Variants in ITGA4 observed in about 807,000 individuals in gnomAD.
ITGA4 encodes the protein integrin subunit alpha 4.
ITGA4 carries 63 observed loss-of-function variants against 133.6 expected under a neutral mutation model. That is an observed-to-expected ratio of 0.47 (90% CI 0.38 to 0.58). The LOEUF is 0.58. Ranked by LOEUF, ITGA4 falls within the 20% of genes least tolerant of loss-of-function variation. The probability of loss-of-function intolerance (pLI) is 0.00; values close to 1 mark genes in which losing one functional copy is unlikely to be tolerated. For synonymous variants in ITGA4, 483 were observed against 438.0 expected (o/e 1.10, Z -1.28); for missense variants, 1,076 against 1,252.7 (o/e 0.86, Z 2.13).
At chr2:181,472,783 T>A (rs1209678480) in intron 2 of ITGA4, among the ~76,000 whole-genome samples, 2 of 152,186 alleles carry the variant, frequency 1.3e-5, no homozygotes, top group Non-Finnish European at 2.9e-5. Flanking sequence ...CACACAATTT[T>A]TTTTCTCCTA....
At chr2:181,474,386 G>A (rs1685626264) in intron 2 of ITGA4, among the ~76,000 whole-genome samples, 2 of 152,134 alleles carry the variant, frequency 1.3e-5, no homozygotes, top group South Asian at 2.1e-4. Context: ...TTGAAAACAT[G>A]AGTCATATTC....
chr2:181,509,973 T>C, intron 16 of ITGA4, 166 bp downstream of exon 16: 3 of 547,588 alleles, frequency 5.5e-6, no homozygotes, highest in Non-Finnish European at 9.7e-6. Flanking sequence ...ATATTCCCTT[T>C]AGGATATTGA....
chr2:181,493,921 T>C (rs1015444256), intron 11 of ITGA4, among the ~76,000 whole-genome samples: 1 of 59,476 alleles, frequency 1.7e-5, no homozygotes, highest in Non-Finnish European at 4.2e-5. Context: ...TCATGGCATT[T>C]CAGTGCCTAG....
chr2:181,525,081 ACTC>A, intron 20 of ITGA4, 118 bp from the exon 21 acceptor site: 1 of 473,502 alleles, frequency 2.1e-6, no homozygotes, highest in Non-Finnish European at 3.7e-6. Context: ...TTTTATCCCC[ACTC>A]CTCAAAAAGC....
intron 15 of ITGA4, among the ~76,000 whole-genome samples, chr2:181,504,525 T>C (rs1471776250): frequency 6.6e-6 from 1 of 152,114 alleles, no homozygotes. Context: ...TAGCACACTA[T>C]GGACTGATTC....
rs201535687 is a variant in ITGA4 at position 181,458,180 on chromosome 2, A to T, written c.198-16A>T. The T allele has an allele frequency of 2.3e-4, 378 of 1,613,916 alleles. No individual in the cohort carries two copies. Among genetic ancestry groups the T allele is most frequent in the Non-Finnish European group, 2.7e-4 (324 of 1,180,012 alleles). ...ACAGCTCACGTCTGAGCGCACGTGC[A>T]CGTGTCTCGCTTTAGGCTCCTAGTG... On this transcript the variant is annotated splice_polypyrimidine_tract_variant and intron_variant, in intron 1 of 27. Transcript: ENST00000397033.
chr2:181,510,063 G>T (rs941520653), intron 16 of ITGA4, among the ~76,000 whole-genome samples: 2 of 151,932 alleles, frequency 1.3e-5, no homozygotes, highest in Non-Finnish European at 2.9e-5. Flanking sequence ...TTAATGCCTT[G>T]CCAGTGAAGA....
At position 181,538,107 on chromosome 2, in the gene ITGA4, C is replaced by T; in HGVS notation, c.*2580C>T. On this transcript the variant is annotated 3_prime_UTR_variant, in exon 28 of 28. Coordinates refer to ENST00000397033, the MANE Select transcript of ITGA4 (RefSeq NM_000885.6). The stretch of plus-strand genomic sequence containing the variant: ...AAACTGGTCCCAAAAAGGGTGGGGA[C>T]CACAGGTTTAAAGCATGGCCACATT... 1 of 999,094 alleles carries T rather than the reference C, an allele frequency of 1.0e-6. No homozygotes were observed. Among genetic ancestry groups the T allele is most frequent in the South Asian group, 1.3e-5 (1 of 76,212 alleles). The allele number at this position is 999,094 out of a possible 1,614,324, so 61.9% of individuals were successfully genotyped here.
At chr2:181,475,954 T>C (rs1685665122) in intron 4 of ITGA4, 4 of 1,357,840 alleles carry the variant, frequency 2.9e-6, no homozygotes, top group East Asian at 2.8e-5. Context: ...AAGAAACATA[T>C]GAATGCAAAT....
rs1429613368 is a variant in ITGA4, at chr2:181,537,354, G to A, written c.*1827G>A. On this transcript the variant is annotated 3_prime_UTR_variant, in exon 28 of 28. Transcript: ENST00000397033. ...ATGGTTGTCCAACACAGGCCTCTCAGATACAAGGGGAACACAATTACATAT... is the reference window on the plus strand; with the variant it reads ...ATGGTTGTCCAACACAGGCCTCTCAAATACAAGGGGAACACAATTACATAT... 2.2e-6 allele frequency: 1 copy of A among 453,760 alleles called. No homozygotes were observed. The highest frequency in any genetic ancestry group is 4.4e-6 in the Non-Finnish European group (1 of 226,684). The allele number at this position is 453,760 out of a possible 1,614,324, so 28.1% of individuals were successfully genotyped here. A position where few individuals can be genotyped will look rare whatever the true frequency, so the allele number is the denominator to read the frequency against.
At chr2:181,486,206 T>G in intron 10 of ITGA4, 1 of 481,256 alleles carries the variant, frequency 2.1e-6, no homozygotes, top group Non-Finnish European at 3.4e-6. Context: ...ATATTCAAAA[T>G]ACCTTATTTC....
At position 181,515,454 on chromosome 2, in the gene ITGA4, C is replaced by T. The variant is rs116775453; in HGVS notation, c.1922+3679C>T. ...CTATAGATAAGCTTTTTTAGTTTGG[C>T]CATAAAATGAAACATTGCCAATTCT... is the stretch of plus-strand genomic sequence containing the variant. On this transcript the variant is annotated intron_variant, in intron 17 of 27. Coordinates refer to ENST00000397033, the MANE Select transcript of ITGA4 (RefSeq NM_000885.6). Among the ~76,000 whole-genome samples the T allele has an allele frequency of 5.9e-3, 896 of 152,036 alleles. 7 individuals are homozygous for T. The highest frequency in any genetic ancestry group is 0.021 in the African/African-American group (854 of 41,480).
At chr2:181,489,533 A>G (rs1685995925) in intron 10 of ITGA4, among the ~76,000 whole-genome samples, 1 of 49,142 alleles carries the variant, frequency 2.0e-5, no homozygotes, top group Admixed American at 1.9e-4. Flanking sequence ...TGACTTTTAG[A>G]CTATATGTCT....
chr2:181,477,994 A>G (rs1379743658), intron 4 of ITGA4, among the ~76,000 whole-genome samples: 2 of 152,100 alleles, frequency 1.3e-5, no homozygotes, highest in African/African-American at 4.8e-5. Flanking sequence ...TGAGGTGTAT[A>G]TATACACACA....
At chr2:181,475,750 T>A in intron 4 of ITGA4, 1 of 1,536,824 alleles carries the variant, frequency 6.5e-7, no homozygotes, top group African/African-American at 1.4e-5. Flanking sequence ...TTTACATGTT[T>A]TCCTTCAAGC....
intron 4 of ITGA4, chr2:181,475,743 A>G: frequency 6.6e-7 from 1 of 1,522,268 alleles, no homozygotes; most frequent in Non-Finnish European, 8.8e-7. Context: ...TTTCTAATTT[A>G]CATGTTTTCC....
intron 4 of ITGA4, 88 bp from the exon 5 acceptor site, chr2:181,478,669 A>G (rs1324530717): frequency 2.0e-5 from 11 of 557,958 alleles, no homozygotes; most frequent in Non-Finnish European, 3.4e-5. Context: ...TAGACCTTAA[A>G]GGACATTTTT....
chr2:181,513,379 G>A (rs1484111650), intron 17 of ITGA4, among the ~76,000 whole-genome samples: 9 of 152,034 alleles, frequency 5.9e-5, no homozygotes, highest in African/African-American at 9.7e-5. Context: ...ACATTAGAAA[G>A]TTACCAAAGC....
At chr2:181,502,767 C>G (rs2105750638) in intron 15 of ITGA4, among the ~76,000 whole-genome samples, 1 of 152,044 alleles carries the variant, frequency 6.6e-6, no homozygotes, top group Middle Eastern at 3.4e-3. Flanking sequence ...TGTTTGGGAC[C>G]ACTTGCACTT....
Sources: gnomAD v4.1 joint callset for allele counts (sites outside exome capture counted in the v4.1 genomes callset) on GRCh38, gnomAD v4.1.1 for gene constraint, MANE v1.5 for transcripts, NCBI Gene and HGNC (gene_info 2026-07-23, HGNC 2026-07-21) for gene names.